The following TRAF3IP2 variants were observed in gnomAD, a reference collection of about 807,000 sequenced individuals.
TRAF3IP2 encodes the protein TRAF3 interacting protein 2, also known as E3 ubiquitin ligase TRAF3IP2.
In TRAF3IP2, 35 loss-of-function variants were observed where a neutral mutation model predicts 57.9. That is an observed-to-expected ratio of 0.60 (90% CI 0.46 to 0.80). TRAF3IP2 has a LOEUF of 0.80. TRAF3IP2 is among the 30% of genes least tolerant of loss of function. TRAF3IP2 has a pLI of 0.00. For missense variants in TRAF3IP2, 556 were observed against 706.4 expected, an observed-to-expected ratio of 0.79 and a Z score of 2.41; for synonymous variants, 251 against 268.9, an observed-to-expected ratio of 0.93 and a Z score of 0.65.
In TRAF3IP2 at chr6:111,580,435, TCC is replaced by T. The variant is rs750005483; in HGVS notation, c.830-48_830-47del. 2.0e-6 allele frequency: 3 copies of T among 1,496,472 alleles called. No homozygotes were observed. In the African/African-American group the frequency reaches 4.2e-5, roughly 21 times the overall value. The allele number at this position is 1,496,472 out of a possible 1,614,324, so 92.7% of individuals were successfully genotyped here. On this transcript the variant is annotated intron_variant, in intron 2 of 8. Coordinates refer to ENST00000368761, the MANE Select transcript of TRAF3IP2 (RefSeq NM_147686.4). ...GACAACAGGGAACATCAACTCTAGC[TCC>T]TTCGTGTGAAAGGAGTCATAAGCTC... is the stretch of plus-strand genomic sequence containing the variant.
chr6:111,583,528 C>T (rs141403858), intron 2 of TRAF3IP2, among the ~76,000 whole-genome samples: 10 of 152,252 alleles, frequency 6.6e-5, no homozygotes, highest in Admixed American at 1.3e-4. Flanking sequence ...TTGTGAACTG[C>T]GCACATGAGG....
chr6:111,597,909 T>C (rs893615083), intron 1 of TRAF3IP2: 1 of 455,908 alleles, frequency 2.2e-6, no homozygotes. Flanking sequence ...GGGCGGTGCC[T>C]GGATTGAAGT....
At position 111,567,696 on chromosome 6, in the gene TRAF3IP2, C is replaced by CA. The variant is rs566584632; in HGVS notation, c.1291-5dup. 8.3e-4 allele frequency: 1,269 copies of CA among 1,520,600 alleles called. No individual in the cohort carries two copies. The highest frequency in any genetic ancestry group is 2.4e-3 in the Admixed American group (126 of 51,932). 94.2% of individuals were successfully genotyped at this position (1,520,600 alleles called of 1,614,324 possible). On this transcript the variant is annotated splice_region_variant and splice_polypyrimidine_tract_variant and intron_variant, in intron 5 of 8. Transcript: ENST00000368761. ...TTCTATCCTCAAATATGTCAATCTGCAAAAAAAAAGATGTGGGAGTTGGCC... is the reference window on the plus strand; with the variant it reads ...TTCTATCCTCAAATATGTCAATCTGCAAAAAAAAAAGATGTGGGAGTTGGCC...
At chr6:111,578,296 A>T (rs1198867125) in intron 3 of TRAF3IP2, among the ~76,000 whole-genome samples, 3 of 152,178 alleles carry the variant, frequency 2.0e-5, no homozygotes, top group Non-Finnish European at 4.4e-5. Flanking sequence ...CTATAAAATC[A>T]CATTTTACCT....
At chr6:111,567,818 G>T in intron 5 of TRAF3IP2, 126 bp from the exon 6 acceptor site, 1 of 620,506 alleles carries the variant, frequency 1.6e-6, no homozygotes. Context: ...TTGCAAGAAG[G>T]AGCACATAGG....
chr6:111,590,444 A>G (rs1222453953), intron 2 of TRAF3IP2, among the ~76,000 whole-genome samples: 1 of 152,206 alleles, frequency 6.6e-6, no homozygotes, highest in Non-Finnish European at 1.5e-5. Context: ...AATGTGTATG[A>G]TGGTGGTTGC....
chr6:111,570,829 T>A (rs1309400287), intron 5 of TRAF3IP2, among the ~76,000 whole-genome samples: 1 of 152,114 alleles, frequency 6.6e-6, no homozygotes, highest in African/African-American at 2.4e-5. Flanking sequence ...GCCTCCCAAG[T>A]AGCTGGGACT....
intron 7 of TRAF3IP2, 77 bp from the exon 8 acceptor site, chr6:111,563,116 C>T: frequency 9.4e-7 from 1 of 1,063,018 alleles, no homozygotes; most frequent in Non-Finnish European, 1.4e-6. Context: ...TCATGCACGT[C>T]CACATGGCAT....
At position 111,566,482 on chromosome 6, in the gene TRAF3IP2, C is replaced by T. The variant is rs1304985335; in HGVS notation, c.1438G>A (p.Asp480Asn). Residue 480 changes from aspartate to asparagine, a missense_variant, in exon 7 of 9, where the codon GAT becomes AAT. Coordinates refer to ENST00000368761, the MANE Select transcript of TRAF3IP2 (RefSeq NM_147686.4). ...TACTTAGTATGTAAGCCATGCTCAT[C>T]CTCGTCCAGCTGCGACTCAGCGCCT... is the stretch of plus-strand genomic sequence containing the variant. Reference protein sequence around the residue: ...VEGAESQLDEDEHGLHTKYIH... With the variant: ...VEGAESQLDENEHGLHTKYIH... The T allele has an allele frequency of 6.2e-7, 1 of 1,614,178 alleles. No individual in the cohort carries two copies. Among genetic ancestry groups the T allele is most frequent in the Non-Finnish European group, 8.5e-7 (1 of 1,180,022 alleles).
intron 1 of TRAF3IP2, among the ~76,000 whole-genome samples, chr6:111,592,951 G>A (rs1485162832): frequency 6.6e-6 from 1 of 152,186 alleles, no homozygotes; most frequent in Admixed American, 6.5e-5. Context: ...CTAGACCTTA[G>A]CCTGCAGAGC....
intron 5 of TRAF3IP2, among the ~76,000 whole-genome samples, chr6:111,570,158 G>A (rs1014318219): frequency 1.4e-4 from 22 of 152,192 alleles, no homozygotes; most frequent in Non-Finnish European, 1.5e-5. Flanking sequence ...GAGGACAGAA[G>A]GAGAAGACAG....
intron 6 of TRAF3IP2, chr6:111,567,167 G>T (rs1051981360): frequency 6.0e-6 from 6 of 1,002,278 alleles, no homozygotes; most frequent in Non-Finnish European, 7.1e-6. Flanking sequence ...CCAGTGGCCG[G>T]TATAGATTCT....
intron 2 of TRAF3IP2, among the ~76,000 whole-genome samples, chr6:111,589,394 A>G (rs185911029): frequency 1.3e-5 from 2 of 152,354 alleles, no homozygotes; most frequent in South Asian, 2.1e-4. Context: ...TACAGATAAC[A>G]GAATGTTAAA....
In TRAF3IP2 at chr6:111,573,951, T is replaced by C. The variant is rs553285291; in HGVS notation, c.1202-968A>G. 27 of 152,332 alleles carry C rather than the reference T, an allele frequency of 1.8e-4. No individual in the cohort carries two copies. The East Asian group carries it at 5.2e-3, about 29-fold the overall frequency. 9.4% of individuals were successfully genotyped at this position (152,332 alleles called of 1,614,324 possible). A position where few individuals can be genotyped will look rare whatever the true frequency, so the allele number is the denominator to read the frequency against. ...AATGGAAGTGTGTATAATGGTCATA[T>C]TAACTCACTTAAGCAGCCAGATATA... On this transcript the variant is annotated intron_variant, in intron 4 of 8. Coordinates refer to ENST00000368761, the MANE Select transcript of TRAF3IP2 (RefSeq NM_147686.4).
chr6:111,571,896 C>T (rs898039524), intron 5 of TRAF3IP2, among the ~76,000 whole-genome samples: 4 of 146,750 alleles, frequency 2.7e-5, no homozygotes, highest in African/African-American at 7.6e-5. Context: ...GCCCAGGCAA[C>T]AGTTCTAGAC....
In TRAF3IP2 at chr6:111,557,795, T is replaced by G. The variant is rs1280156331; in HGVS notation, c.*1610A>C. On this transcript the variant is annotated 3_prime_UTR_variant, in exon 9 of 9. Coordinates refer to ENST00000368761, the MANE Select transcript of TRAF3IP2 (RefSeq NM_147686.4). Reference sequence around the variant, plus strand: ...ATCCCAGCACTTTGGGAGGCCGAGGTGGGCGGATCACAAGGTCAGGAGTTC... The same window carrying G: ...ATCCCAGCACTTTGGGAGGCCGAGGGGGGCGGATCACAAGGTCAGGAGTTC... 1 of 151,168 alleles carries G rather than the reference T, an allele frequency of 6.6e-6. No homozygotes were observed. Among genetic ancestry groups the G allele is most frequent in the African/African-American group, 2.4e-5 (1 of 41,166 alleles). 9.4% of individuals were successfully genotyped at this position (151,168 alleles called of 1,614,324 possible).
In TRAF3IP2 at chr6:111,590,348, G is replaced by A. The variant is rs3777918; in HGVS notation, c.829+910C>T. Among the ~76,000 whole-genome samples, 138 of 152,280 alleles carry A rather than the reference G, an allele frequency of 9.1e-4. 6 individuals carry two copies. In the East Asian group the frequency reaches 0.025, roughly 28 times the overall value. The stretch of plus-strand genomic sequence containing the variant: ...ATGCTGGTGTTAGGTGTCCCAACAG[G>A]GCCAGAGCAGGAGGGAGACAGAGGC... On this transcript the variant is annotated intron_variant, in intron 2 of 8. Transcript: ENST00000368761.
At chr6:111,588,354 T>G (rs543594231) in intron 2 of TRAF3IP2, among the ~76,000 whole-genome samples, 1 of 152,166 alleles carries the variant, frequency 6.6e-6, no homozygotes, top group South Asian at 2.1e-4. Context: ...AGCAAGGGGA[T>G]GGTGAAATGA....
intron 5 of TRAF3IP2, among the ~76,000 whole-genome samples, chr6:111,570,973 G>A (rs780433862): frequency 8.6e-5 from 13 of 151,266 alleles, no homozygotes; most frequent in Non-Finnish European, 1.9e-4. Flanking sequence ...GTGGTGTGAT[G>A]CCGGCTTACT....
Sources: allele counts gnomAD v4.1 joint callset (sites outside exome capture counted in the v4.1 genomes callset), GRCh38; gene constraint gnomAD v4.1.1; transcripts MANE v1.5; gene names NCBI Gene and HGNC (gene_info 2026-07-23, HGNC 2026-07-21).